Variants in RRAS2 observed in about 807,000 individuals in gnomAD.
The protein encoded by RRAS2 is ras-related protein R-Ras2.
Under a neutral mutation model 27.6 loss-of-function variants are expected in RRAS2, and 7 were observed. The ratio of observed to expected loss-of-function variants is 0.25; its 90% CI spans 0.14 to 0.48. RRAS2 has a LOEUF of 0.48. Ranked by LOEUF, RRAS2 falls within the 20% of genes least tolerant of loss-of-function variation. The probability of loss-of-function intolerance (pLI) is 0.99; values close to 1 mark genes in which losing one functional copy is unlikely to be tolerated. For synonymous variants in RRAS2, 86 were observed against 90.9 expected, an observed-to-expected ratio of 0.95 and a Z score of 0.31; for missense variants, 178 against 256.2, an observed-to-expected ratio of 0.69 and a Z score of 2.08.
intron 1 of RRAS2, among the ~76,000 whole-genome samples, chr11:14,319,345 C>CTTTTTTTTTTTTT (rs1156654694): frequency 2.2e-5 from 2 of 91,516 alleles, no homozygotes; most frequent in East Asian, 3.9e-4. Flanking sequence ...TTCCCTCTGT[C>CTTTTTTTTTTTTT]TTTTTTTTTT....
At chr11:14,353,826 T>C (rs1849016476) in intron 1 of RRAS2, among the ~76,000 whole-genome samples, 1 of 152,206 alleles carries the variant, frequency 6.6e-6, no homozygotes, top group Non-Finnish European at 1.5e-5. Flanking sequence ...AAATTTTATC[T>C]AGGAATTGCC....
chr11:14,362,879 G>A (rs1849208199), upstream of RRAS2, among the ~76,000 whole-genome samples: 1 of 152,190 alleles, frequency 6.6e-6, no homozygotes, highest in Non-Finnish European at 1.5e-5. Flanking sequence ...AGTCAAGAGA[G>A]CTGTTGACTG....
chr11:14,349,757 CAG>C (rs1214269253), intron 1 of RRAS2, among the ~76,000 whole-genome samples: 2 of 152,134 alleles, frequency 1.3e-5, no homozygotes, highest in African/African-American at 2.4e-5. Flanking sequence ...ATCCTGAGGA[CAG>C]AGTTCAAATA....
chr11:14,294,462 C>A lies in RRAS2; in HGVS notation c.408+9G>T. The stretch of plus-strand genomic sequence containing the variant: ...CAATTGGTTTCCCAACAGTGAAATT[C>A]CTTCTCACCTGTCTTTGATGATCCA... On this transcript the variant is annotated intron_variant, in intron 4 of 5. Transcript: ENST00000256196. The A allele has an allele frequency of 6.6e-7, 1 of 1,525,698 alleles. No homozygotes were observed. The highest frequency in any genetic ancestry group is 8.9e-7 in the Non-Finnish European group (1 of 1,122,192). 94.5% of individuals were successfully genotyped at this position (1,525,698 alleles called of 1,614,324 possible). A position where few individuals can be genotyped will look rare whatever the true frequency, so the allele number is the denominator to read the frequency against.
intron 1 of RRAS2, among the ~76,000 whole-genome samples, chr11:14,329,038 C>CAT (rs1193333400): frequency 6.9e-6 from 1 of 145,122 alleles, no homozygotes; most frequent in African/African-American, 2.5e-5. Flanking sequence ...TACACACACA[C>CAT]ATATATATGT....
At chr11:14,294,213 G>A (rs1554946224) in intron 4 of RRAS2, among the ~76,000 whole-genome samples, 1 of 152,126 alleles carries the variant, frequency 6.6e-6, no homozygotes, top group African/African-American at 2.4e-5. Flanking sequence ...AACACTTGCA[G>A]GCTTATAAAG....
intron 1 of RRAS2, among the ~76,000 whole-genome samples, chr11:14,298,842 G>C (rs1457669056): frequency 6.6e-6 from 1 of 152,178 alleles, no homozygotes; most frequent in African/African-American, 2.4e-5. Flanking sequence ...ATCCCTAAGA[G>C]CATTCACTGT....
At chr11:14,290,596 G>A (rs569564820) in intron 4 of RRAS2, among the ~76,000 whole-genome samples, 4 of 152,120 alleles carry the variant, frequency 2.6e-5, no homozygotes, top group Admixed American at 6.5e-5. Context: ...AGAGAGACAC[G>A]GAGACAAAGT....
intron 1 of RRAS2, among the ~76,000 whole-genome samples, chr11:14,322,499 G>A (rs1246849467): frequency 6.6e-6 from 1 of 151,814 alleles, no homozygotes; most frequent in Non-Finnish European, 1.5e-5. Context: ...CATCTAGGAA[G>A]ACACAGCTAG....
chr11:14,300,983 A>G (rs944445683), intron 1 of RRAS2, among the ~76,000 whole-genome samples: 2 of 152,174 alleles, frequency 1.3e-5, no homozygotes, highest in Non-Finnish European at 2.9e-5. Flanking sequence ...ACACTGGTTA[A>G]GTCTACCACC....
intron 4 of RRAS2, among the ~76,000 whole-genome samples, chr11:14,289,583 C>T (rs1269122984): frequency 1.3e-5 from 2 of 152,192 alleles, no homozygotes; most frequent in African/African-American, 4.8e-5. Context: ...GACCAGATGG[C>T]TGGTAATACT....
chr11:14,344,274 C>G (rs1000836255), intron 1 of RRAS2, among the ~76,000 whole-genome samples: 1 of 152,122 alleles, frequency 6.6e-6, no homozygotes, highest in Non-Finnish European at 1.5e-5. Context: ...ATCTGCAACT[C>G]GTCATTAAAT....
chr11:14,322,841 T>C (rs1466563380), intron 1 of RRAS2, among the ~76,000 whole-genome samples: 2 of 152,064 alleles, frequency 1.3e-5, no homozygotes, highest in Non-Finnish European at 1.5e-5. Context: ...AAAATGACCA[T>C]CAATCCAATC....
intron 1 of RRAS2, among the ~76,000 whole-genome samples, chr11:14,310,363 G>C (rs1457147773): frequency 2.0e-5 from 3 of 152,168 alleles, no homozygotes; most frequent in Non-Finnish European, 4.4e-5. Context: ...GTCACAAGAC[G>C]AATCAGACAG....
intron 1 of RRAS2, among the ~76,000 whole-genome samples, chr11:14,357,719 C>G (rs1381531476): frequency 6.6e-6 from 1 of 152,036 alleles, no homozygotes; most frequent in African/African-American, 2.4e-5. Flanking sequence ...AAAAGGAAAC[C>G]AGACAAAAAT....
chr11:14,311,204 G>A (rs1847956363), intron 1 of RRAS2, among the ~76,000 whole-genome samples: 1 of 152,108 alleles, frequency 6.6e-6, no homozygotes, highest in Non-Finnish European at 1.5e-5. Context: ...AATTGACCCG[G>A]TGTGGTGGGG....
chr11:14,325,129 T>C (rs1296665962), intron 1 of RRAS2, among the ~76,000 whole-genome samples: 3 of 152,166 alleles, frequency 2.0e-5, no homozygotes, highest in Non-Finnish European at 4.4e-5. Flanking sequence ...ACTTACTGCA[T>C]GTTAGCTATC....
At chr11:14,302,073 T>TACACACACAC (rs57730782) in intron 1 of RRAS2, among the ~76,000 whole-genome samples, 6,380 of 142,370 alleles carry the variant, frequency 0.045, 200 homozygotes, top group Middle Eastern at 0.069. Context: ...ACCACACACA[T>TACACACACAC]ACACACACAC....
intron 1 of RRAS2, among the ~76,000 whole-genome samples, chr11:14,321,484 GTCT>G (rs1403062589): frequency 3.9e-5 from 6 of 152,186 alleles, no homozygotes; most frequent in Non-Finnish European, 7.3e-5. Flanking sequence ...TTTTTGCCAT[GTCT>G]TGTGTTTTGT....
Sources: gnomAD v4.1 joint callset for allele counts (sites outside exome capture counted in the v4.1 genomes callset) on GRCh38, gnomAD v4.1.1 for gene constraint, MANE v1.5 for transcripts, NCBI Gene and HGNC (gene_info 2026-07-23, HGNC 2026-07-21) for gene names.